PHF14: variants seen among roughly 807,000 people sequenced by gnomAD.
PHF14 encodes the protein PHD finger protein 14.
In PHF14, 55 loss-of-function variants were observed where a neutral mutation model predicts 117.9. The observed-to-expected ratio is 0.47, with a 90% CI of 0.38 to 0.58. PHF14 has a LOEUF of 0.58. Among genes scored for constraint, PHF14 ranks in the 20% least tolerant of loss-of-function variants. The probability of loss-of-function intolerance (pLI) is 0.00; values close to 1 mark genes in which losing one functional copy is unlikely to be tolerated. For missense variants in PHF14, 978 were observed against 1,122.2 expected (o/e 0.87, Z 1.84); for synonymous variants, 409 against 368.6 (o/e 1.11, Z -1.26).
chr7:11,057,520 G>T (rs1202268013), intron 14 of PHF14, among the ~76,000 whole-genome samples: 1 of 152,056 alleles, frequency 6.6e-6, no homozygotes, highest in Non-Finnish European at 1.5e-5. Flanking sequence ...GATTACAGGT[G>T]TGCACCACCA....
intron 16 of PHF14, among the ~76,000 whole-genome samples, chr7:11,100,074 TTG>T (rs1383771180): frequency 2.0e-5 from 3 of 152,110 alleles, no homozygotes; most frequent in Non-Finnish European, 4.4e-5. Flanking sequence ...GCCAACTATA[TTG>T]TTTTTGATTT....
chr7:11,020,676 A>C (rs1438022741), intron 5 of PHF14, among the ~76,000 whole-genome samples: 1 of 150,298 alleles, frequency 6.7e-6, no homozygotes, highest in Non-Finnish European at 1.5e-5. Context: ...ACTGTGCCTG[A>C]CCACTTCTTT....
chr7:11,136,543 A>T (rs972337068), intron 17 of PHF14, among the ~76,000 whole-genome samples: 2 of 152,174 alleles, frequency 1.3e-5, no homozygotes, highest in African/African-American at 4.8e-5. Flanking sequence ...TCTTTTGCAT[A>T]GTTATTACTT....
intron 16 of PHF14, among the ~76,000 whole-genome samples, chr7:11,069,448 C>G (rs888604027): frequency 1.3e-4 from 20 of 152,130 alleles, no homozygotes; most frequent in African/African-American, 4.6e-4. Context: ...TTGCTGGGCT[C>G]TTCCATCCCC....
chr7:11,012,764 A>G lies in PHF14; in HGVS notation c.1046-983A>G, dbSNP rs528399324. Among the ~76,000 whole-genome samples, 3 of 152,346 alleles carry G rather than the reference A, an allele frequency of 2.0e-5. No individual in the cohort carries two copies. In the South Asian group the frequency reaches 6.2e-4, roughly 32 times the overall value. On this transcript the variant is annotated intron_variant, in intron 4 of 17. Coordinates refer to ENST00000634607, the MANE Select transcript of PHF14 (RefSeq NM_001007157.2). The stretch of plus-strand genomic sequence containing the variant: ...TTTGTGAGTGATAAGAGGAAAAAAG[A>G]GAATGACATATTGTTTTCATCCATT...
At position 10,980,239 on chromosome 7, in the gene PHF14, C is replaced by T. The variant is rs114572389; in HGVS notation, c.113-2133C>T. Reference sequence around the variant, plus strand: ...CGTGAAGTTTTGATTGATAAAAAGCCTTCTAGAAGGTTGATCCAGAAGAAA... The same window carrying T: ...CGTGAAGTTTTGATTGATAAAAAGCTTTCTAGAAGGTTGATCCAGAAGAAA... On this transcript the variant is annotated intron_variant, in intron 2 of 17. Transcript: ENST00000634607. Among the ~76,000 whole-genome samples the T allele has an allele frequency of 3.9e-3, 586 of 152,126 alleles. 2 individuals carry two copies. Among genetic ancestry groups the T allele is most frequent in the African/African-American group, 0.013 (533 of 41,530 alleles).
chr7:11,028,408 C>A (rs1783999361), intron 6 of PHF14, among the ~76,000 whole-genome samples: 1 of 152,068 alleles, frequency 6.6e-6, no homozygotes, highest in African/African-American at 2.4e-5. Flanking sequence ...TAGTGACTGG[C>A]ACATAGTAAG....
chr7:11,049,385 GA>G (rs1264897523), intron 13 of PHF14, among the ~76,000 whole-genome samples: 2 of 150,846 alleles, frequency 1.3e-5, no homozygotes, highest in African/African-American at 4.9e-5. Context: ...TGAGGCAGGA[GA>G]ATCGCTTGAA....
At chr7:11,129,396 A>T (rs1788024236) in intron 17 of PHF14, among the ~76,000 whole-genome samples, 1 of 152,066 alleles carries the variant, frequency 6.6e-6, no homozygotes, top group African/African-American at 2.4e-5. Flanking sequence ...TTCTGTTAAC[A>T]TTTAATAGTA....
intron 2 of PHF14, among the ~76,000 whole-genome samples, chr7:10,978,558 A>G (rs1781944858): frequency 6.6e-6 from 1 of 152,172 alleles, no homozygotes; most frequent in East Asian, 1.9e-4. Context: ...GCCTGGAAAA[A>G]TAGAATAAGG....
intron 5 of PHF14, among the ~76,000 whole-genome samples, chr7:11,018,031 A>G (rs1177827019): frequency 1.3e-5 from 2 of 152,018 alleles, no homozygotes; most frequent in Admixed American, 6.6e-5. Context: ...CTTTTCCCAT[A>G]TATATGTTCC....
At position 11,068,964 on chromosome 7, in the gene PHF14, G is replaced by A. The variant is rs537338528; in HGVS notation, c.2654+6879G>A. ...TTTTATTACATGCATTTTTAAGAAT[G>A]TAATGTTTTTGATGCTATTGTATAG... On this transcript the variant is annotated intron_variant, in intron 16 of 17. Transcript: ENST00000634607. Among the ~76,000 whole-genome samples, 1,019 of 152,158 alleles carry A rather than the reference G, an allele frequency of 6.7e-3. 6 individuals carry two copies. The highest frequency in any genetic ancestry group is 0.016 in the Admixed American group (239 of 15,286).
At chr7:11,112,365 T>G (rs982783184) in intron 17 of PHF14, among the ~76,000 whole-genome samples, 3 of 152,202 alleles carry the variant, frequency 2.0e-5, no homozygotes, top group Admixed American at 2.0e-4. Flanking sequence ...CTAAAATGAT[T>G]TGCTTCAGCT....
rs1562446116 is a variant in PHF14, at chr7:11,062,025, A to T, written c.2594A>T (p.Glu865Val). 6.2e-7 allele frequency: 1 copy of T among 1,606,752 alleles called. No individual in the cohort carries two copies. Among genetic ancestry groups the T allele is most frequent in the Non-Finnish European group, 8.5e-7 (1 of 1,176,044 alleles). ...GTGTTGCAAAAGAAGCCCAAGGCTG[A>T]AGATTTAAGAACTGAATGTGCAACT... is the stretch of plus-strand genomic sequence containing the variant. ...QSVLQKKPKA[E>V]DLRTECATCK... The change falls in exon 16 of 18, where the codon GAA becomes GTA. Residue 865 changes from glutamate to valine, a missense_variant. By Grantham distance (121) the Glu-to-Val change is moderately radical. Transcript: ENST00000634607.
At chr7:11,127,938 A>C (rs1787973280) in intron 17 of PHF14, among the ~76,000 whole-genome samples, 1 of 151,886 alleles carries the variant, frequency 6.6e-6, no homozygotes, top group Non-Finnish European at 1.5e-5. Flanking sequence ...CAAACACTTT[A>C]TACCAGTTCC....
At chr7:11,127,854 C>A (rs1337219323) in intron 17 of PHF14, among the ~76,000 whole-genome samples, 1 of 152,038 alleles carries the variant, frequency 6.6e-6, no homozygotes, top group Non-Finnish European at 1.5e-5. Flanking sequence ...CCCATGAGTC[C>A]TAAATCAAAT....
intron 1 of PHF14, 37 bp from the exon 2 acceptor site, chr7:10,974,798 G>A (rs771391532): frequency 9.7e-7 from 1 of 1,026,662 alleles, no homozygotes; most frequent in Non-Finnish European, 1.5e-6. Flanking sequence ...TGTTTGGTGT[G>A]ATTATGAATG....
intron 14 of PHF14, among the ~76,000 whole-genome samples, chr7:11,058,091 T>C (rs1320488773): frequency 2.0e-5 from 3 of 152,214 alleles, no homozygotes; most frequent in African/African-American, 4.8e-5. Flanking sequence ...CTTCCACATA[T>C]TATTTTCATC....
In PHF14 at chr7:11,165,773, G is replaced by T. The variant is rs902391904; in HGVS notation, c.2773-3643G>T. 3.0e-4 allele frequency among the ~76,000 whole-genome samples: 45 copies of T among 152,130 alleles called. 2 individuals carry two copies. On this transcript the variant is annotated intron_variant, in intron 17 of 17. Coordinates refer to ENST00000634607, the MANE Select transcript of PHF14 (RefSeq NM_001007157.2). ...TCACATTTATAAATAAAGAAAAACC[G>T]AGGGTCTCCTCTATCACAAATTGAT...
Sources: gnomAD v4.1 joint callset for allele counts (sites outside exome capture counted in the v4.1 genomes callset) on GRCh38, gnomAD v4.1.1 for gene constraint, MANE v1.5 for transcripts, NCBI Gene and HGNC (gene_info 2026-07-23, HGNC 2026-07-21) for gene names.